WNT9A: variants seen among roughly 807,000 people sequenced by gnomAD.
WNT9A encodes Wnt family member 9A, also known as protein Wnt-9a.
WNT9A carries 8 observed loss-of-function variants against 31.4 expected under a neutral mutation model. The observed-to-expected ratio is 0.26, with a 90% CI of 0.15 to 0.46. The LOEUF is 0.46. Among genes scored for constraint, WNT9A ranks in the 20% least tolerant of loss-of-function variants. The pLI is 0.99. For missense variants in WNT9A, 457 were observed against 522.9 expected (o/e 0.87, Z 1.23); for synonymous variants, 236 against 220.1 (o/e 1.07, Z -0.64).
chr1:227,940,787 G>C (rs906953621), intron 1 of WNT9A, among the ~76,000 whole-genome samples: 1 of 152,244 alleles, frequency 6.6e-6, no homozygotes, highest in Non-Finnish European at 1.5e-5. Flanking sequence ...TGGACAGCTG[G>C]GCTTCCTCTG....
intron 2 of WNT9A, among the ~76,000 whole-genome samples, 175 bp from the exon 3 acceptor site, chr1:227,924,575 C>G (rs977283470): frequency 6.6e-6 from 1 of 152,150 alleles, no homozygotes; most frequent in Non-Finnish European, 1.5e-5. Context: ...GGGTAGGAAA[C>G]GCCTGGGTGT....
chr1:227,936,720 G>A (rs1666601976), intron 1 of WNT9A, among the ~76,000 whole-genome samples: 1 of 151,838 alleles, frequency 6.6e-6, no homozygotes, highest in Non-Finnish European at 1.5e-5. Flanking sequence ...CCAGCTCCAG[G>A]ACTCAAGTGA....
chr1:227,922,118 C>T (rs1035236126), intron 3 of WNT9A, 118 bp from the exon 4 acceptor site: 5 of 1,437,494 alleles, frequency 3.5e-6, no homozygotes, highest in Non-Finnish European at 4.6e-6. Flanking sequence ...CCAGGCCCTG[C>T]CGGCGGGCGT....
At position 227,925,638 on chromosome 1, in the gene WNT9A, A is replaced by G; in HGVS notation, c.96-119T>C. The G allele has an allele frequency of 7.2e-7, 1 of 1,395,830 alleles. No individual in the cohort carries two copies. The highest frequency in any genetic ancestry group is 1.5e-5 in the South Asian group (1 of 65,170). The allele number at this position is 1,395,830 out of a possible 1,614,324, so 86.5% of individuals were successfully genotyped here. A position where few individuals can be genotyped will look rare whatever the true frequency, so the allele number is the denominator to read the frequency against. Reference sequence around the variant, plus strand: ...TGTCCATCCGGGGGTGAGGGGGCAGAAAGAATCCAGGATGAGCCAGGCAGG... The same window carrying G: ...TGTCCATCCGGGGGTGAGGGGGCAGGAAGAATCCAGGATGAGCCAGGCAGG... On this transcript the variant is annotated intron_variant, in intron 1 of 3. Coordinates refer to ENST00000272164, the MANE Select transcript of WNT9A (RefSeq NM_003395.4). This position sits in a 1 kb window ranked among gnomAD's most constrained non-coding sequence, Gnocchi z 6.0.
rs1666454836 is a variant in WNT9A, at chr1:227,928,372, G to T, written c.96-2853C>A. Among the ~76,000 whole-genome samples, 1 of 152,074 alleles carries T rather than the reference G, an allele frequency of 6.6e-6. No individual in the cohort carries two copies. The highest frequency in any genetic ancestry group is 2.1e-4 in the South Asian group (1 of 4,830). ...GTGGGCCGTTGGCACTGTCAGAAGG[G>T]TGTGGAGGGAGGGTTGCCCCAGCCT... On this transcript the variant is annotated intron_variant, in intron 1 of 3. Transcript: ENST00000272164. This position sits in a 1 kb window ranked among gnomAD's most constrained non-coding sequence, Gnocchi z 4.5.
intron 1 of WNT9A, among the ~76,000 whole-genome samples, chr1:227,931,723 C>T (rs946708503): frequency 6.6e-5 from 10 of 152,172 alleles, no homozygotes; most frequent in Non-Finnish European, 1.2e-4. Flanking sequence ...AATACATATA[C>T]TTTAGTTAAA....
chr1:227,926,968 C>T lies in WNT9A; in HGVS notation c.96-1449G>A, dbSNP rs1181991440. The stretch of plus-strand genomic sequence containing the variant: ...CCTCCAGGGCCACAGGCGCAGGCCA[C>T]AGAAGGAGCAGGTAGTGGCCCCAGG... On this transcript the variant is annotated intron_variant, in intron 1 of 3. Coordinates refer to ENST00000272164, the MANE Select transcript of WNT9A (RefSeq NM_003395.4). This position sits in a 1 kb window ranked among gnomAD's most constrained non-coding sequence, Gnocchi z 5.0. Among the ~76,000 whole-genome samples the T allele has an allele frequency of 6.6e-6, 1 of 152,112 alleles. No homozygotes were observed. Among genetic ancestry groups the T allele is most frequent in the East Asian group, 1.9e-4 (1 of 5,154 alleles).
rs1666275744 is a variant in WNT9A at position 227,919,718 on chromosome 1, C to CAT, written c.*1799_*1800insAT. The CAT allele has an allele frequency of 8.9e-6, 1 of 112,142 alleles. No individual in the cohort carries two copies. The allele number at this position is 112,142 out of a possible 1,614,324, so 6.9% of individuals were successfully genotyped here. ...ACACACACACACACACACACACACA[C>CAT]ACACAGACCATGCCAGCATGCATTT... On this transcript the variant is annotated 3_prime_UTR_variant, in exon 4 of 4. Coordinates refer to ENST00000272164, the MANE Select transcript of WNT9A (RefSeq NM_003395.4).
intron 3 of WNT9A, among the ~76,000 whole-genome samples, chr1:227,923,505 C>T (rs1439127771): frequency 6.6e-6 from 1 of 152,200 alleles, no homozygotes; most frequent in Non-Finnish European, 1.5e-5. Context: ...CACCCCGGGT[C>T]AGCCACCCCA....
chr1:227,926,453 G>A lies in WNT9A; in HGVS notation c.96-934C>T, dbSNP rs969461379. Among the ~76,000 whole-genome samples the A allele has an allele frequency of 5.3e-5, 8 of 151,774 alleles. No homozygotes were observed. The highest frequency in any genetic ancestry group is 1.7e-4 in the African/African-American group (7 of 41,308). On this transcript the variant is annotated intron_variant, in intron 1 of 3. Transcript: ENST00000272164. This position sits in a 1 kb window ranked among gnomAD's most constrained non-coding sequence, Gnocchi z 5.0. ...GCCCTGGCCCAGCCCAGCCCATATC[G>A]AGTCAAGAGCCCTCAACCCCAAACC...
chr1:227,943,284 G>A (rs938512234), intron 1 of WNT9A, among the ~76,000 whole-genome samples: 1 of 152,232 alleles, frequency 6.6e-6, no homozygotes, highest in Non-Finnish European at 1.5e-5. Context: ...CCAGGGTGTC[G>A]CTGGCTCCTT....
intron 1 of WNT9A, among the ~76,000 whole-genome samples, chr1:227,936,944 C>T (rs768677652): frequency 2.0e-5 from 3 of 152,188 alleles, no homozygotes; most frequent in Non-Finnish European, 4.4e-5. Context: ...CTGTCCCACT[C>T]CCGCACCCTT....
rs113317497 is a variant in WNT9A, at chr1:227,921,485, C to T, written c.*33G>A. Reference sequence around the variant, plus strand: ...CTTCACACCGTGTGCAATGCCTGCACCCTGTGCAGCAGGGCTGGCAGGGCC... The same window carrying T: ...CTTCACACCGTGTGCAATGCCTGCATCCTGTGCAGCAGGGCTGGCAGGGCC... On this transcript the variant is annotated 3_prime_UTR_variant, in exon 4 of 4. Transcript: ENST00000272164. The T allele has an allele frequency of 6.3e-6, 10 of 1,586,438 alleles. No homozygotes were observed. The South Asian group carries it at 1.0e-4, about 17-fold the overall frequency.
rs1440003084 is a variant in WNT9A, at chr1:227,925,358, A to ACGGCCTC, written c.250_256dup (p.Val86GlyfsTer17). 6.2e-7 allele frequency: 1 copy of ACGGCCTC among 1,611,270 alleles called. No homozygotes were observed. The highest frequency in any genetic ancestry group is 1.7e-5 in the Admixed American group (1 of 59,964). ...CTGGCACTCGAGCGCACTCATGCTC[A>ACGGCCTC]CGGCCTCCACCAGCGTCTCTGCCAC... On this transcript the variant is annotated frameshift_variant, in exon 2 of 4. Coordinates refer to ENST00000272164, the MANE Select transcript of WNT9A (RefSeq NM_003395.4). LOFTEE classifies it high-confidence loss of function. The surrounding 1 kb of genome is among the most constrained non-coding windows in gnomAD (Gnocchi z 6.0).
chr1:227,922,858 G>A (rs868348306), intron 3 of WNT9A, among the ~76,000 whole-genome samples: 1 of 152,212 alleles, frequency 6.6e-6, no homozygotes, highest in African/African-American at 2.4e-5. Flanking sequence ...CAGGAGGGCC[G>A]GCTCAAGGAG....
chr1:227,926,138 T>C lies in WNT9A; in HGVS notation c.96-619A>G, dbSNP rs1051441155. Among the ~76,000 whole-genome samples, 1 of 152,096 alleles carries C rather than the reference T, an allele frequency of 6.6e-6. No homozygotes were observed. Among genetic ancestry groups the C allele is most frequent in the Non-Finnish European group, 1.5e-5 (1 of 67,990 alleles). ...GGCACTGGGAAGCAGCTCTTGGTTC[T>C]CTGACACTCTACCCCTCTCACCTCA... On this transcript the variant is annotated intron_variant, in intron 1 of 3. Coordinates refer to ENST00000272164, the MANE Select transcript of WNT9A (RefSeq NM_003395.4). This position sits in a 1 kb window ranked among gnomAD's most constrained non-coding sequence, Gnocchi z 5.0.
Position 227,922,100 on chromosome 1 carries a change from A to ACCCAGG in WNT9A, c.616-106_616-101dup. The ACCCAGG allele has an allele frequency of 4.7e-6, 7 of 1,485,824 alleles. 1 individual carries two copies. Among genetic ancestry groups the ACCCAGG allele is most frequent in the South Asian group, 2.7e-5 (2 of 73,132 alleles). 92.0% of individuals were successfully genotyped at this position (1,485,824 alleles called of 1,614,324 possible). On this transcript the variant is annotated intron_variant, in intron 3 of 3. Transcript: ENST00000272164. ...ACCCCCAGAGGGACCCCACACCCCC[A>ACCCAGG]CCCAGGCCCAGGCCCTGCCGGCGGG...
intron 1 of WNT9A, among the ~76,000 whole-genome samples, chr1:227,941,316 T>C (rs1666701160): frequency 6.6e-6 from 1 of 151,998 alleles, no homozygotes; most frequent in South Asian, 2.1e-4. Context: ...AATCCCAGAA[T>C]TGAGCGACCA....
chr1:227,923,036 G>A (rs569476399), intron 3 of WNT9A, among the ~76,000 whole-genome samples: 8 of 152,306 alleles, frequency 5.3e-5, no homozygotes, highest in East Asian at 3.9e-4. Flanking sequence ...ACAAAGCGGC[G>A]AAGAGGGGAA....
Sources: gnomAD v4.1 joint callset for allele counts (sites outside exome capture counted in the v4.1 genomes callset) on GRCh38, gnomAD v4.1.1 for gene constraint, Gnocchi (gnomAD v3.1) non-coding constraint, MANE v1.5 for transcripts, NCBI Gene and HGNC (gene_info 2026-07-23, HGNC 2026-07-21) for gene names.